Variants in CIT observed in about 807,000 individuals in gnomAD.
CIT encodes the protein citron Rho-interacting kinase.
CIT carries 79 observed loss-of-function variants against 272.7 expected under a neutral mutation model. The ratio of observed to expected loss-of-function variants is 0.29; its 90% CI spans 0.24 to 0.35. The LOEUF is 0.35. CIT is among the 10% of genes least tolerant of loss of function. The pLI is 1.00. For synonymous variants in CIT, 948 were observed against 995.6 expected, an observed-to-expected ratio of 0.95 and a Z score of 0.90; for missense variants, 1,909 against 2,618.3, an observed-to-expected ratio of 0.73 and a Z score of 5.91.
chr12:119,873,308 C>T (rs1460127164), intron 2 of CIT, among the ~76,000 whole-genome samples: 1 of 146,030 alleles, frequency 6.8e-6, no homozygotes, highest in Non-Finnish European at 1.5e-5. Flanking sequence ...CTTGCTCTGT[C>T]GCCTAGGCTG....
At chr12:119,818,321 A>C (rs918625220) in intron 9 of CIT, among the ~76,000 whole-genome samples, 5 of 152,186 alleles carry the variant, frequency 3.3e-5, no homozygotes, top group Non-Finnish European at 7.3e-5. Context: ...AAAAAGAAAA[A>C]ACCCAAGGAG....
intron 28 of CIT, among the ~76,000 whole-genome samples, chr12:119,722,010 G>A (rs183360010): frequency 1.7e-3 from 255 of 152,234 alleles, no homozygotes; most frequent in African/African-American, 5.7e-3. Context: ...TTTCTACAAC[G>A]TTGGGGGAAA....
chr12:119,753,201 G>A (rs1960477762), intron 22 of CIT, among the ~76,000 whole-genome samples: 1 of 152,040 alleles, frequency 6.6e-6, no homozygotes, highest in African/African-American at 2.4e-5. Flanking sequence ...CTGTCTAAGG[G>A]GACTGCCAAG....
At chr12:119,724,900 C>A (rs1035355668) in intron 28 of CIT, among the ~76,000 whole-genome samples, 11 of 125,326 alleles carry the variant, frequency 8.8e-5, no homozygotes, top group Admixed American at 6.7e-4. Context: ...CACTGCACTC[C>A]AGTCTGGGCG....
At chr12:119,786,203 T>G (rs1358562683) in intron 10 of CIT, among the ~76,000 whole-genome samples, 1 of 152,164 alleles carries the variant, frequency 6.6e-6, no homozygotes, top group Non-Finnish European at 1.5e-5. Context: ...TGATAAATAG[T>G]TTCTGCTGGT....
chr12:119,757,082 T>G (rs960951214), intron 22 of CIT, among the ~76,000 whole-genome samples: 4 of 148,140 alleles, frequency 2.7e-5, no homozygotes, highest in African/African-American at 7.6e-5. Flanking sequence ...ATCGCACCAC[T>G]GCACTCCAGC....
Position 119,714,128 on chromosome 12 carries a change from C to A in CIT, c.4306+69G>T, listed in dbSNP as rs1351618503. On this transcript the variant is annotated intron_variant, in intron 33 of 47. Transcript: ENST00000392521. ...ATGATGAGTTAGAAAAAAATCACCT[C>A]CACCTGATAGACTTTTTAAGCTGGA... The A allele has an allele frequency of 4.4e-6, 7 of 1,580,004 alleles. No homozygotes were observed. In the African/African-American group the frequency reaches 8.1e-5, roughly 18 times the overall value.
chr12:119,730,409 G>T, intron 27 of CIT, 86 bp downstream of exon 27: 2 of 1,420,382 alleles, frequency 1.4e-6, no homozygotes, highest in Non-Finnish European at 1.9e-6. Flanking sequence ...GTTTGCCATG[G>T]ATTGCATTTG....
At chr12:119,726,649 G>A (rs1446230293) in intron 28 of CIT, among the ~76,000 whole-genome samples, 1 of 152,018 alleles carries the variant, frequency 6.6e-6, no homozygotes, top group African/African-American at 2.4e-5. Context: ...GCCAGAACAG[G>A]GCATTCTGGT....
intron 2 of CIT, among the ~76,000 whole-genome samples, chr12:119,871,469 C>T (rs780085516): frequency 6.6e-6 from 1 of 152,146 alleles, no homozygotes; most frequent in Non-Finnish European, 1.5e-5. Context: ...AACAAACAAA[C>T]AAACAAACAC....
intron 23 of CIT, among the ~76,000 whole-genome samples, chr12:119,748,619 T>A (rs747671708): frequency 1.2e-4 from 18 of 152,374 alleles, no homozygotes; most frequent in Admixed American, 3.9e-4. Flanking sequence ...TTGATATTTA[T>A]GTACGAGAAT....
intron 44 of CIT, 118 bp from the exon 45 acceptor site, chr12:119,698,172 A>G (rs1198337213): frequency 6.0e-6 from 5 of 837,330 alleles, no homozygotes; most frequent in Non-Finnish European, 1.0e-5. Context: ...AACTCACCCA[A>G]CAAATACATA....
intron 6 of CIT, 72 bp downstream of exon 6, chr12:119,834,014 A>AT (rs2138129599): frequency 6.9e-7 from 1 of 1,447,148 alleles, no homozygotes; most frequent in East Asian, 2.3e-5. Context: ...TCATCCACTC[A>AT]TTTCCATGCA....
intron 10 of CIT, among the ~76,000 whole-genome samples, chr12:119,786,497 G>A (rs758060589): frequency 2.0e-5 from 3 of 152,204 alleles, no homozygotes; most frequent in Non-Finnish European, 2.9e-5. Flanking sequence ...CAAGGCCAGA[G>A]CAAGTGGCCA....
chr12:119,794,615 G>C (rs1222108877), intron 10 of CIT, among the ~76,000 whole-genome samples: 1 of 152,170 alleles, frequency 6.6e-6, no homozygotes, highest in African/African-American at 2.4e-5. Flanking sequence ...TTTATAGAAA[G>C]TGCAGGTTGA....
At chr12:119,777,514 A>G (rs569948631) in intron 13 of CIT, among the ~76,000 whole-genome samples, 2 of 152,012 alleles carry the variant, frequency 1.3e-5, no homozygotes, top group African/African-American at 4.8e-5. Context: ...TACTAAAAAC[A>G]CAAAAATTAG....
At chr12:119,823,207 C>G (rs771303757) in intron 8 of CIT, among the ~76,000 whole-genome samples, 3 of 152,122 alleles carry the variant, frequency 2.0e-5, no homozygotes, top group Non-Finnish European at 4.4e-5. Context: ...TGGCTTGACC[C>G]CGGCTCCCCT....
intron 3 of CIT, among the ~76,000 whole-genome samples, chr12:119,860,137 G>A (rs1241993379): frequency 2.0e-5 from 3 of 152,094 alleles, no homozygotes; most frequent in Non-Finnish European, 4.4e-5. Context: ...AACTACTCTT[G>A]CCCACCCTGT....
rs1051611249 is a variant in CIT, at chr12:119,687,569, A to G, written c.*663T>C. 1 of 152,574 alleles carries G rather than the reference A, an allele frequency of 6.6e-6. No homozygotes were observed. Among genetic ancestry groups the G allele is most frequent in the African/African-American group, 2.4e-5 (1 of 41,412 alleles). The allele number at this position is 152,574 out of a possible 1,614,324, so 9.5% of individuals were successfully genotyped here. A position where few individuals can be genotyped will look rare whatever the true frequency, so the allele number is the denominator to read the frequency against. ...GTCGTCAAGGCCATAAAAGGCAATG[A>G]AAACAGTAAACATTTGGCTACGATG... On this transcript the variant is annotated 3_prime_UTR_variant, in exon 48 of 48. Coordinates refer to ENST00000392521, the MANE Select transcript of CIT (RefSeq NM_001206999.2).
Sources: allele counts gnomAD v4.1 joint callset (sites outside exome capture counted in the v4.1 genomes callset), GRCh38; gene constraint gnomAD v4.1.1; transcripts MANE v1.5; gene names NCBI Gene and HGNC (gene_info 2026-07-23, HGNC 2026-07-21).